CACNA1C: variants seen among roughly 807,000 people sequenced by gnomAD.
CACNA1C encodes the protein calcium voltage-gated channel subunit alpha1 C.
Under a neutral mutation model 229.0 loss-of-function variants are expected in CACNA1C, and 30 were observed. The ratio of observed to expected loss-of-function variants is 0.13; its 90% CI spans 0.10 to 0.18. The LOEUF (loss-of-function observed/expected upper bound fraction) is 0.18. Ranked by LOEUF, CACNA1C falls within the 10% of genes least tolerant of loss-of-function variation. CACNA1C has a pLI of 1.00. For missense variants in CACNA1C, 1,658 were observed against 2,845.0 expected (o/e 0.58, Z 9.49); for synonymous variants, 1,114 against 1,132.5 (o/e 0.98, Z 0.33).
chr12:2,252,696 GT>G (rs1209763024), intron 3 of CACNA1C, among the ~76,000 whole-genome samples: 1 of 152,152 alleles, frequency 6.6e-6, no homozygotes, highest in Non-Finnish European at 1.5e-5. Flanking sequence ...AGATGAAGGT[GT>G]TTGTGCGGGG....
intron 3 of CACNA1C, chr12:2,221,636 A>G (rs2154350893): frequency 6.6e-6 from 1 of 152,366 alleles, no homozygotes; most frequent in South Asian, 2.1e-4. Context: ...ATTTGACAAA[A>G]TGTTCAAAGG....
intron 1 of CACNA1C, chr12:1,997,998 A>C (rs768008783): frequency 3.1e-6 from 5 of 1,599,600 alleles, no homozygotes; most frequent in Non-Finnish European, 4.3e-6. Flanking sequence ...AACAAAACAC[A>C]CAAGACATGT....
intron 1 of CACNA1C, among the ~76,000 whole-genome samples, chr12:2,006,357 G>A (rs976425346): frequency 2.6e-5 from 4 of 152,232 alleles, no homozygotes; most frequent in Middle Eastern, 3.4e-3. Context: ...GCAGTGAGCC[G>A]AGATCCTGCC....
intron 1 of CACNA1C, among the ~76,000 whole-genome samples, chr12:1,996,417 G>A (rs2040801785): frequency 6.6e-6 from 1 of 151,732 alleles, no homozygotes; most frequent in Non-Finnish European, 1.5e-5. Context: ...CTCCGCCCCT[G>A]CTTTTGCCAT....
At position 2,285,376 on chromosome 12, in the gene CACNA1C, C is replaced by T. The variant is rs2092471048; in HGVS notation, c.478-163600C>T. 6.6e-6 allele frequency among the ~76,000 whole-genome samples: 1 copy of T among 152,182 alleles called. No homozygotes were observed. Among genetic ancestry groups the T allele is most frequent in the Non-Finnish European group, 1.5e-5 (1 of 68,030 alleles). ...TTCCCCCTCTCCTAAAAGCCAGTTG[C>T]TAAAACATTTAACAACATACCACTG... On this transcript the variant is annotated intron_variant, in intron 3 of 46. Coordinates refer to ENST00000399655, the MANE Select transcript of CACNA1C (RefSeq NM_000719.7). This position sits in a 1 kb window ranked among gnomAD's most constrained non-coding sequence, Gnocchi z 4.2.
chr12:2,682,857 A>ACACCACACAAACACAACACACAAAC lies in CACNA1C; in HGVS notation c.5573+179_5573+180insCACCACACAAACACAACACACAAAC, dbSNP rs375605186. 3.2e-3 allele frequency among the ~76,000 whole-genome samples: 2 copies of ACACCACACAAACACAACACACAAAC among 630 alleles called. 1 individual carries two copies. Among genetic ancestry groups the ACACCACACAAACACAACACACAAAC allele is most frequent in the African/African-American group, 3.8e-3 (2 of 524 alleles). The allele number at this position is 630 out of a possible 152,430, so 0.4% of individuals were successfully genotyped here. A position where few individuals can be genotyped will look rare whatever the true frequency, so the allele number is the denominator to read the frequency against. Reference sequence around the variant, plus strand: ...GTGAAATGGGAGCCCCCCAACACACAACACACACAAACACACACACACCAC... The same window carrying ACACCACACAAACACAACACACAAAC: ...GTGAAATGGGAGCCCCCCAACACACACACCACACAAACACAACACACAAACACACACACAAACACACACACACCAC... On this transcript the variant is annotated intron_variant, in intron 43 of 46. Transcript: ENST00000399655.
chr12:2,088,189 G>A (rs576403392), intron 1 of CACNA1C, among the ~76,000 whole-genome samples: 2 of 152,314 alleles, frequency 1.3e-5, no homozygotes, highest in African/African-American at 4.8e-5. Flanking sequence ...TTATTTCTCC[G>A]TATGCTGGTT....
At chr12:2,177,852 G>A (rs1020993118) in intron 3 of CACNA1C, among the ~76,000 whole-genome samples, 6 of 151,910 alleles carry the variant, frequency 3.9e-5, no homozygotes, top group African/African-American at 1.5e-4. Context: ...GGCCAGGCAG[G>A]TCTTGAACTC....
intron 3 of CACNA1C, among the ~76,000 whole-genome samples, chr12:2,252,921 G>A (rs1353991545): frequency 6.6e-6 from 1 of 150,556 alleles, no homozygotes; most frequent in East Asian, 2.0e-4. Flanking sequence ...AAGTGTTGAT[G>A]GCCCTCTCCC....
At chr12:2,264,563 T>C (rs969305984) in intron 3 of CACNA1C, among the ~76,000 whole-genome samples, 4 of 152,216 alleles carry the variant, frequency 2.6e-5, no homozygotes, top group African/African-American at 9.6e-5. Context: ...TTTTCCTAAA[T>C]GCTGTGGCTC....
Position 2,566,397 on chromosome 12 carries a change from C to T in CACNA1C, c.1509-25C>T. On this transcript the variant is annotated intron_variant, in intron 11 of 46. Transcript: ENST00000399655. The surrounding 1 kb of genome is among the most constrained non-coding windows in gnomAD (Gnocchi z 4.0). ...AACCTGAATTCACAGCCAACCCCAC[C>T]CTTCTCTCCCTGTCCCCTTTCCAGC... 6.4e-6 allele frequency: 10 copies of T among 1,562,776 alleles called. No individual in the cohort carries two copies. The highest frequency in any genetic ancestry group is 8.7e-6 in the Non-Finnish European group (10 of 1,152,452).
At chr12:2,239,450 C>A (rs1259296729) in intron 3 of CACNA1C, among the ~76,000 whole-genome samples, 1 of 152,106 alleles carries the variant, frequency 6.6e-6, no homozygotes, top group African/African-American at 2.4e-5. Context: ...ACCTCGCGGC[C>A]CTCTGCCCAG....
At chr12:2,136,103 GA>G (rs2093442343) in intron 3 of CACNA1C, among the ~76,000 whole-genome samples, 2 of 151,338 alleles carry the variant, frequency 1.3e-5, no homozygotes, top group South Asian at 4.2e-4. Context: ...CTTTGACTCG[GA>G]AAGGGAACTC....
intron 3 of CACNA1C, among the ~76,000 whole-genome samples, chr12:2,277,997 C>T (rs1168564490): frequency 6.6e-6 from 1 of 152,174 alleles, no homozygotes; most frequent in Non-Finnish European, 1.5e-5. Context: ...GCTGGCCAGG[C>T]CACCCATGCT....
chr12:2,099,517 C>T (rs1239486121), intron 1 of CACNA1C, among the ~76,000 whole-genome samples: 1 of 152,068 alleles, frequency 6.6e-6, no homozygotes, highest in Non-Finnish European at 1.5e-5. Context: ...CTGTCTGTCC[C>T]CTTCCAGAGG....
chr12:2,093,067 T>C (rs1486087649), intron 1 of CACNA1C, among the ~76,000 whole-genome samples: 1 of 152,216 alleles, frequency 6.6e-6, no homozygotes, highest in African/African-American at 2.4e-5. Flanking sequence ...CGCTTTGGAA[T>C]GCCAGGCTGC....
intron 30 of CACNA1C, among the ~76,000 whole-genome samples, chr12:2,638,128 G>A (rs1002292894): frequency 6.6e-6 from 1 of 152,178 alleles, no homozygotes; most frequent in Non-Finnish European, 1.5e-5. Context: ...GGAATAATCA[G>A]ACAATTCACA....
At position 2,679,686 on chromosome 12, in the gene CACNA1C, C is replaced by T; in HGVS notation, c.5334C>T (p.Leu1778=). The part of the protein sequence containing the change: ...NNANNTALGR[L]PRPAGYPSTV... ...CCAACAACACCGCCCTGGGTCGCCT[C>T]CCTCGCCCCGCCGGCTACCCCAGCA... The change falls in exon 42 of 47, where the codon CTC becomes CTT. Residue 1778 remains leucine, a synonymous_variant. Coordinates refer to ENST00000399655, the MANE Select transcript of CACNA1C (RefSeq NM_000719.7). The surrounding 1 kb of genome is among the most constrained non-coding windows in gnomAD (Gnocchi z 5.5). 6.2e-7 allele frequency: 1 copy of T among 1,612,922 alleles called. No individual in the cohort carries two copies. The highest frequency in any genetic ancestry group is 8.5e-7 in the Non-Finnish European group (1 of 1,179,394).
At chr12:2,063,379 T>A (rs1404840130) in intron 1 of CACNA1C, among the ~76,000 whole-genome samples, 1 of 152,206 alleles carries the variant, frequency 6.6e-6, no homozygotes, top group Non-Finnish European at 1.5e-5. Flanking sequence ...CTCCATCTCC[T>A]GACCTCTTGA....
Sources: allele counts gnomAD v4.1 joint callset (sites outside exome capture counted in the v4.1 genomes callset), GRCh38; gene constraint gnomAD v4.1.1; non-coding constraint Gnocchi (gnomAD v3.1); transcripts MANE v1.5; gene names NCBI Gene and HGNC (gene_info 2026-07-23, HGNC 2026-07-21).